The following CDC42SE2 variants were observed in gnomAD, a reference collection of about 807,000 sequenced individuals.
CDC42SE2 encodes CDC42 small effector protein 2.
In CDC42SE2, 3 loss-of-function variants were observed where a neutral mutation model predicts 11.5. That is an observed-to-expected ratio of 0.26 (90% CI 0.12 to 0.67). CDC42SE2 has a LOEUF of 0.67. Ranked by LOEUF, CDC42SE2 falls within the 30% of genes least tolerant of loss-of-function variation. The pLI, the probability that CDC42SE2 is intolerant of heterozygous loss-of-function variation, is 0.80. For missense variants in CDC42SE2, 82 were observed against 106.8 expected (o/e 0.77, Z 1.02); for synonymous variants, 33 against 34.8 (o/e 0.95, Z 0.18).
intron 3 of CDC42SE2, among the ~76,000 whole-genome samples, chr5:131,385,244 A>G (rs1750446604): frequency 6.6e-6 from 1 of 152,248 alleles, no homozygotes; most frequent in Non-Finnish European, 1.5e-5. Flanking sequence ...GGGTAATTTT[A>G]CATTTGTCTC....
chr5:131,374,528 C>CA (rs11311226), intron 3 of CDC42SE2, among the ~76,000 whole-genome samples: 3,229 of 69,904 alleles, frequency 0.046, 180 homozygotes, highest in African/African-American at 0.13. Context: ...GAGACTGTCT[C>CA]AAAAAAAAAA....
chr5:131,343,239 C>T (rs1758756117), intron 2 of CDC42SE2, among the ~76,000 whole-genome samples: 1 of 151,758 alleles, frequency 6.6e-6, no homozygotes, highest in African/African-American at 2.4e-5. Flanking sequence ...CAGGAGACTG[C>T]AAGAGATGCT....
At chr5:131,377,760 A>T (rs902070360) in intron 3 of CDC42SE2, among the ~76,000 whole-genome samples, 1 of 152,230 alleles carries the variant, frequency 6.6e-6, no homozygotes, top group Non-Finnish European at 1.5e-5. Flanking sequence ...AGCACACAGC[A>T]TTTCTATGAA....
upstream of CDC42SE2, among the ~76,000 whole-genome samples, chr5:131,241,180 A>G (rs971993660): frequency 6.6e-6 from 1 of 151,498 alleles, no homozygotes; most frequent in Non-Finnish European, 1.5e-5. Context: ...GGGTTTCACC[A>G]TGTTAGCCAG....
At chr5:131,312,171 C>A (rs1430482955) in intron 1 of CDC42SE2, among the ~76,000 whole-genome samples, 1 of 151,364 alleles carries the variant, frequency 6.6e-6, no homozygotes, top group Non-Finnish European at 1.5e-5. Context: ...CAGACAGGAC[C>A]CTCAGCTGCC....
intron 3 of CDC42SE2, among the ~76,000 whole-genome samples, chr5:131,362,466 A>G (rs1213652395): frequency 1.3e-5 from 2 of 152,198 alleles, no homozygotes; most frequent in Admixed American, 1.3e-4. Context: ...ATTCTAAACA[A>G]TATCAAGACT....
chr5:131,281,008 GC>G (rs1453594705), intron 1 of CDC42SE2, among the ~76,000 whole-genome samples: 2 of 152,128 alleles, frequency 1.3e-5, no homozygotes, highest in Non-Finnish European at 2.9e-5. Flanking sequence ...TTGGTATATT[GC>G]ATTCTTTGGA....
intron 1 of CDC42SE2, among the ~76,000 whole-genome samples, chr5:131,254,783 T>G (rs1756667452): frequency 6.6e-6 from 1 of 152,210 alleles, no homozygotes; most frequent in Admixed American, 6.5e-5. Context: ...TGAAGTTACT[T>G]TAAAAAGCAA....
At chr5:131,341,620 C>T (rs1048724005) in intron 2 of CDC42SE2, among the ~76,000 whole-genome samples, 1 of 151,976 alleles carries the variant, frequency 6.6e-6, no homozygotes, top group Non-Finnish European at 1.5e-5. Flanking sequence ...AAGCAAGAGG[C>T]TAGGAAGAAA....
At chr5:131,349,455 G>A (rs1415147748) in intron 2 of CDC42SE2, among the ~76,000 whole-genome samples, 4 of 152,186 alleles carry the variant, frequency 2.6e-5, no homozygotes, top group African/African-American at 7.2e-5. Context: ...AAACCTGCAC[G>A]TTGTGCTCAT....
At chr5:131,290,572 A>G (rs1344949635) in intron 1 of CDC42SE2, among the ~76,000 whole-genome samples, 1 of 137,652 alleles carries the variant, frequency 7.3e-6, no homozygotes, top group Non-Finnish European at 1.5e-5. Flanking sequence ...TCCACCTCCC[A>G]GGGCTCAAAT....
At chr5:131,258,039 C>T (rs1203988540) in intron 2 of CDC42SE2, among the ~76,000 whole-genome samples, 1 of 152,140 alleles carries the variant, frequency 6.6e-6, no homozygotes, top group Non-Finnish European at 1.5e-5. Context: ...AGTCCACTCC[C>T]TCTTGTTATC....
chr5:131,312,228 TG>T (rs1444057150), intron 1 of CDC42SE2, among the ~76,000 whole-genome samples: 2 of 151,684 alleles, frequency 1.3e-5, no homozygotes, highest in Non-Finnish European at 2.9e-5. Context: ...GTGCCCCTGC[TG>T]GGGGGTGCCT....
intron 1 of CDC42SE2, among the ~76,000 whole-genome samples, chr5:131,283,487 T>C (rs1359563097): frequency 6.6e-6 from 1 of 151,962 alleles, no homozygotes; most frequent in Non-Finnish European, 1.5e-5. Context: ...CATGTATCAG[T>C]ACATCATTCT....
upstream of CDC42SE2, chr5:131,261,593 C>G (rs1431766555): frequency 6.6e-6 from 1 of 152,194 alleles, no homozygotes; most frequent in Non-Finnish European, 1.5e-5. Context: ...TGGCTTACAC[C>G]TGTAATCCCA....
rs1416193363 is a variant in CDC42SE2, at chr5:131,394,422, C to CGTAA, written c.*3335_*3338dup. 3.9e-5 allele frequency: 6 copies of CGTAA among 152,394 alleles called. No homozygotes were observed. In the East Asian group the frequency reaches 5.6e-4, roughly 14 times the overall value. The allele number at this position is 152,394 out of a possible 1,614,324, so 9.4% of individuals were successfully genotyped here. A position where few individuals can be genotyped will look rare whatever the true frequency, so the allele number is the denominator to read the frequency against. ...TATCAGTGGGCCTTTAAAAATACTTCGTAAGTACATTAGCTTTCACTTTGT... is the reference window on the plus strand; with the variant it reads ...TATCAGTGGGCCTTTAAAAATACTTCGTAAGTAAGTACATTAGCTTTCACTTTGT... On this transcript the variant is annotated 3_prime_UTR_variant, in exon 5 of 5. Transcript: ENST00000505065.
chr5:131,360,866 T>C (rs1749686048), intron 3 of CDC42SE2, among the ~76,000 whole-genome samples: 1 of 152,176 alleles, frequency 6.6e-6, no homozygotes, highest in Non-Finnish European at 1.5e-5. Context: ...TGCCCTACCA[T>C]ATTGTTTTAA....
intron 1 of CDC42SE2, among the ~76,000 whole-genome samples, chr5:131,254,404 T>G (rs1303264851): frequency 6.6e-6 from 1 of 151,998 alleles, no homozygotes; most frequent in African/African-American, 2.4e-5. Context: ...TAGCTGGCCC[T>G]GGTAGCCAGC....
chr5:131,326,727 A>C (rs558302601), intron 2 of CDC42SE2, among the ~76,000 whole-genome samples: 7 of 151,820 alleles, frequency 4.6e-5, no homozygotes, highest in Middle Eastern at 3.4e-3. Context: ...GTAATATCTC[A>C]CTTTGTCCTT....
Sources: gnomAD v4.1 joint callset for allele counts (sites outside exome capture counted in the v4.1 genomes callset) on GRCh38, gnomAD v4.1.1 for gene constraint, MANE v1.5 for transcripts, NCBI Gene and HGNC (gene_info 2026-07-23, HGNC 2026-07-21) for gene names.